MBD5: variants seen among roughly 807,000 people sequenced by gnomAD.
The protein encoded by MBD5 is methyl-CpG binding domain protein 5.
In MBD5, 13 loss-of-function variants were observed where a neutral mutation model predicts 117.3. That is an observed-to-expected ratio of 0.11 (90% CI 0.07 to 0.18). The LOEUF is 0.18. Ranked by LOEUF, MBD5 falls within the 10% of genes least tolerant of loss-of-function variation. The probability of loss-of-function intolerance (pLI) is 1.00; values close to 1 mark genes in which losing one functional copy is unlikely to be tolerated. For synonymous variants in MBD5, 727 were observed against 766.4 expected (o/e 0.95, Z 0.85); for missense variants, 1,879 against 2,093.8 (o/e 0.90, Z 2.00).
At chr2:148,151,434 T>C (rs946074275) in intron 1 of MBD5, among the ~76,000 whole-genome samples, 2 of 152,220 alleles carry the variant, frequency 1.3e-5, no homozygotes, top group African/African-American at 4.8e-5. Context: ...CCAGCTTTGG[T>C]ATCAGAATGA....
At chr2:148,383,083 GA>G (rs1704208754) in intron 4 of MBD5, among the ~76,000 whole-genome samples, 2 of 151,966 alleles carry the variant, frequency 1.3e-5, no homozygotes, top group Admixed American at 1.3e-4. Flanking sequence ...AAAGCTAGCA[GA>G]AGGCAAGAAA....
At chr2:148,246,639 C>T (rs914142512) in intron 3 of MBD5, among the ~76,000 whole-genome samples, 2 of 151,770 alleles carry the variant, frequency 1.3e-5, no homozygotes, top group African/African-American at 4.8e-5. Context: ...TGGCAGGCAG[C>T]TATAATCCCA....
At chr2:148,182,902 C>T (rs1698562736) in intron 2 of MBD5, among the ~76,000 whole-genome samples, 1 of 152,184 alleles carries the variant, frequency 6.6e-6, no homozygotes, top group Non-Finnish European at 1.5e-5. Context: ...CGCTTTTGGA[C>T]TGACTGGGAA....
Position 148,447,029 on chromosome 2 carries a change from T to C in MBD5, c.-556-11174T>C, listed in dbSNP as rs147496789. On this transcript the variant is annotated intron_variant, in intron 4 of 13. Coordinates refer to ENST00000642680, the MANE Select transcript of MBD5 (RefSeq NM_001378120.1). ...ATGAGTTCCTGAGACAATGACAATG[T>C]GATATTGCCAATGATGGTGGAAAGA... Among the ~76,000 whole-genome samples the C allele has an allele frequency of 4.9e-3, 722 of 148,484 alleles. 4 individuals carry two copies. The highest frequency in any genetic ancestry group is 0.017 in the African/African-American group (695 of 39,990).
At chr2:148,461,058 G>C (rs111372002) in intron 5 of MBD5, among the ~76,000 whole-genome samples, 3 of 152,240 alleles carry the variant, frequency 2.0e-5, no homozygotes, top group African/African-American at 7.2e-5. Flanking sequence ...TCAGCCTCCC[G>C]AGTAGCTGGA....
chr2:148,144,370 G>A (rs13398026), intron 1 of MBD5, among the ~76,000 whole-genome samples: 61,713 of 151,092 alleles, frequency 0.41, 12,753 homozygotes, highest in South Asian at 0.5. Flanking sequence ...TGAGTAGATT[G>A]CAAAAATTTT....
chr2:148,322,390 A>G (rs552634777), intron 3 of MBD5, among the ~76,000 whole-genome samples: 14 of 152,230 alleles, frequency 9.2e-5, no homozygotes, highest in Admixed American at 7.2e-4. Flanking sequence ...TCTATTTCCT[A>G]TTGTACCTAG....
chr2:148,026,215 A>G (rs1693887732), intron 1 of MBD5: 1 of 152,170 alleles, frequency 6.6e-6, no homozygotes, highest in Non-Finnish European at 1.5e-5. Flanking sequence ...CACTGTGATA[A>G]ATTGAATTCA....
intron 1 of MBD5, among the ~76,000 whole-genome samples, chr2:148,034,951 T>C (rs1694148305): frequency 6.6e-6 from 1 of 152,196 alleles, no homozygotes; most frequent in Non-Finnish European, 1.5e-5. Flanking sequence ...ATTGGCTCCA[T>C]AGACTGAATA....
intron 4 of MBD5, chr2:148,347,161 CTTATG>C (rs1397588081): frequency 6.6e-6 from 1 of 152,034 alleles, no homozygotes; most frequent in Non-Finnish European, 1.5e-5. Context: ...CTACAATATA[CTTATG>C]TTATATCAAA....
intron 2 of MBD5, among the ~76,000 whole-genome samples, chr2:148,197,629 G>T (rs1405171538): frequency 6.6e-6 from 1 of 151,930 alleles, no homozygotes; most frequent in Non-Finnish European, 1.5e-5. Context: ...TATTTTAATG[G>T]TTACGTATTC....
rs527262208 is a variant in MBD5, at chr2:148,446,597, T to C, written c.-556-11606T>C. Among the ~76,000 whole-genome samples the C allele has an allele frequency of 3.9e-3, 483 of 123,412 alleles. 4 individuals carry two copies. The highest frequency in any genetic ancestry group is 0.015 in the African/African-American group (451 of 31,074). The allele number at this position is 123,412 out of a possible 152,430, so 81.0% of individuals were successfully genotyped here. On this transcript the variant is annotated intron_variant, in intron 4 of 13. Transcript: ENST00000642680. ...AGAAATTAATTTACATACCAGATTA[T>C]TTATCTGTGTGTGTGTGTGTGTGTG...
chr2:148,292,374 T>C (rs1012670121), intron 3 of MBD5, among the ~76,000 whole-genome samples: 1 of 152,064 alleles, frequency 6.6e-6, no homozygotes, highest in African/African-American at 2.4e-5. Context: ...ACAGGAAAAA[T>C]AATCTAACAA....
chr2:148,428,373 A>G (rs1574414216), intron 4 of MBD5, among the ~76,000 whole-genome samples: 1 of 152,222 alleles, frequency 6.6e-6, no homozygotes, highest in East Asian at 1.9e-4. Context: ...AAAACGTTCC[A>G]TGCTCATAGA....
chr2:148,486,153 C>T (rs1681333686), intron 10 of MBD5, among the ~76,000 whole-genome samples: 1 of 152,144 alleles, frequency 6.6e-6, no homozygotes, highest in Non-Finnish European at 1.5e-5. Flanking sequence ...AGTATCTCAG[C>T]AGTTCTTTTG....
chr2:148,380,730 G>A (rs540475460), intron 4 of MBD5, among the ~76,000 whole-genome samples: 5 of 152,180 alleles, frequency 3.3e-5, no homozygotes, highest in South Asian at 4.2e-4. Context: ...CAGTAGGGGC[G>A]GACTGACACC....
intron 1 of MBD5, among the ~76,000 whole-genome samples, chr2:148,173,719 C>CATAA (rs1423285389): frequency 1.3e-5 from 2 of 151,926 alleles, no homozygotes; most frequent in African/African-American, 2.4e-5. Context: ...GACTCTGTCT[C>CATAA]ATAAATAAAT....
chr2:148,201,169 C>A (rs1347136898), intron 2 of MBD5, among the ~76,000 whole-genome samples: 4 of 152,132 alleles, frequency 2.6e-5, no homozygotes, highest in Non-Finnish European at 2.9e-5. Flanking sequence ...CAGCATGGAT[C>A]CCACGGCTCC....
At chr2:148,160,386 T>C (rs1340855150) in intron 1 of MBD5, among the ~76,000 whole-genome samples, 2 of 151,928 alleles carry the variant, frequency 1.3e-5, no homozygotes, top group African/African-American at 4.8e-5. Context: ...GTCAGATCAA[T>C]ACTCCATCTC....
Sources: gnomAD v4.1 joint callset for allele counts (sites outside exome capture counted in the v4.1 genomes callset) on GRCh38, gnomAD v4.1.1 for gene constraint, MANE v1.5 for transcripts, NCBI Gene and HGNC (gene_info 2026-07-23, HGNC 2026-07-21) for gene names.